Variants in KIAA1217 observed in about 807,000 individuals in gnomAD.
KIAA1217 encodes sickle tail protein homolog.
A neutral mutation model predicts 163.9 loss-of-function variants in KIAA1217; 88 were observed. That is an observed-to-expected ratio of 0.54 (90% CI 0.45 to 0.64). KIAA1217 has a LOEUF of 0.64. KIAA1217 is among the 30% of genes least tolerant of loss of function. The pLI is 0.00. For synonymous variants in KIAA1217, 903 were observed against 923.1 expected (o/e 0.98, Z 0.39); for missense variants, 2,372 against 2,475.0 (o/e 0.96, Z 0.88).
chr10:24,525,377 G>A (rs2071975034), intron 13 of KIAA1217, among the ~76,000 whole-genome samples: 1 of 152,154 alleles, frequency 6.6e-6, no homozygotes, highest in African/African-American at 2.4e-5. Flanking sequence ...ATCAAAGTCT[G>A]GGACCATGAC....
intron 2 of KIAA1217, among the ~76,000 whole-genome samples, chr10:24,166,477 C>T (rs1382842801): frequency 6.6e-6 from 1 of 152,066 alleles, no homozygotes; most frequent in Non-Finnish European, 1.5e-5. Flanking sequence ...GTGGCTTACT[C>T]CTGTAATCCC....
intron 1 of KIAA1217, among the ~76,000 whole-genome samples, chr10:23,876,126 T>C (rs529824104): frequency 6.6e-5 from 10 of 151,276 alleles, no homozygotes; most frequent in African/African-American, 9.7e-5. Context: ...ATGAGACATA[T>C]ACACCGTGGA....
At chr10:23,955,681 C>T (rs1844529843) in intron 1 of KIAA1217, among the ~76,000 whole-genome samples, 1 of 152,060 alleles carries the variant, frequency 6.6e-6, no homozygotes, top group Non-Finnish European at 1.5e-5. Context: ...CATCAAACGG[C>T]AAGTTAGCTG....
At position 23,890,102 on chromosome 10, in the gene KIAA1217, T is replaced by C. The variant is rs186267333; in HGVS notation, c.-320-117123T>C. On this transcript the variant is annotated intron_variant, in intron 1 of 18. Transcript: ENST00000376462. ...ATCTGGAAAACTTTAGTTTTCTTAGTGGGAAGATTTTTGACTATAGGTTCA... is the reference window on the plus strand; with the variant it reads ...ATCTGGAAAACTTTAGTTTTCTTAGCGGGAAGATTTTTGACTATAGGTTCA... Among the ~76,000 whole-genome samples, 530 of 151,868 alleles carry C rather than the reference T, an allele frequency of 3.5e-3. 7 individuals carry two copies. Among genetic ancestry groups the C allele is most frequent in the African/African-American group, 0.011 (457 of 41,530 alleles).
intron 5 of KIAA1217, among the ~76,000 whole-genome samples, chr10:24,462,004 A>G (rs529060523): frequency 5.6e-4 from 85 of 152,250 alleles, no homozygotes; most frequent in African/African-American, 1.9e-3. Flanking sequence ...ATTTTATTTC[A>G]TAAGTAATCC....
intron 2 of KIAA1217, among the ~76,000 whole-genome samples, chr10:24,180,360 C>T (rs774872671): frequency 1.3e-5 from 2 of 149,270 alleles, no homozygotes; most frequent in Non-Finnish European, 3.0e-5. Flanking sequence ...AATCTCAGCT[C>T]ACTGCAACCT....
At chr10:24,076,672 TTC>T (rs1359113533) in intron 2 of KIAA1217, among the ~76,000 whole-genome samples, 1 of 152,182 alleles carries the variant, frequency 6.6e-6, no homozygotes, top group African/African-American at 2.4e-5. Context: ...ACAGTCAGGA[TTC>T]TCTGTCTCCA....
In KIAA1217 at chr10:24,225,047, G is replaced by C. The variant is rs570091555; in HGVS notation, c.354+5138G>C. 2.6e-4 allele frequency among the ~76,000 whole-genome samples: 39 copies of C among 151,956 alleles called. 1 individual carries two copies. The South Asian group carries it at 6.0e-3, about 23-fold the overall frequency. On this transcript the variant is annotated intron_variant, in intron 2 of 20. Transcript: ENST00000376454. ...TCACTGTGTTAGCCAGGATGGTCTCGATCTCCTGACATTGTGATCTGCCCG... is the reference window on the plus strand; with the variant it reads ...TCACTGTGTTAGCCAGGATGGTCTCCATCTCCTGACATTGTGATCTGCCCG...
chr10:24,251,679 G>C (rs1187797907), intron 2 of KIAA1217, among the ~76,000 whole-genome samples: 3 of 152,024 alleles, frequency 2.0e-5, no homozygotes, highest in Non-Finnish European at 4.4e-5. Context: ...AACTCCTGTT[G>C]TAAATAGGGA....
chr10:23,756,662 T>C (rs1439918092), intron 1 of KIAA1217, among the ~76,000 whole-genome samples: 1 of 152,196 alleles, frequency 6.6e-6, no homozygotes, highest in East Asian at 1.9e-4. Context: ...GATGTAATAA[T>C]TTTAAAATAT....
intron 1 of KIAA1217, among the ~76,000 whole-genome samples, chr10:23,859,020 G>T (rs1348929149): frequency 6.6e-6 from 1 of 152,212 alleles, no homozygotes; most frequent in African/African-American, 2.4e-5. Context: ...TTCTAAGCCA[G>T]TGGAGCACAA....
chr10:23,833,011 C>A (rs1406030291), intron 1 of KIAA1217, among the ~76,000 whole-genome samples: 1 of 152,086 alleles, frequency 6.6e-6, no homozygotes. Context: ...CACCCGGTCC[C>A]TCCCACAAGA....
chr10:24,543,503 A>T lies in KIAA1217; in HGVS notation c.4233A>T (p.Ile1411=). ...HDIVSQKGED[I]QTVNIDARKE... The stretch of plus-strand genomic sequence containing the variant: ...TTGTTAGCCAAAAGGGAGAAGACAT[A>T]CAGACGGTTAATATCGATGCCAGAA... Residue 1411 remains isoleucine, a synonymous_variant, in exon 19 of 21, where the codon ATA becomes ATT. Coordinates refer to ENST00000376454, the MANE Select transcript of KIAA1217 (RefSeq NM_019590.5). 1 of 1,614,166 alleles carries T rather than the reference A, an allele frequency of 6.2e-7. No homozygotes were observed. Among genetic ancestry groups the T allele is most frequent in the Non-Finnish European group, 8.5e-7 (1 of 1,180,024 alleles).
intron 2 of KIAA1217, among the ~76,000 whole-genome samples, chr10:24,259,536 G>C (rs892512084): frequency 2.0e-5 from 3 of 152,222 alleles, no homozygotes; most frequent in Non-Finnish European, 4.4e-5. Context: ...GATTGCTTAA[G>C]CCCTGGTGGT....
intron 2 of KIAA1217, among the ~76,000 whole-genome samples, chr10:24,222,518 G>A (rs1034161225): frequency 6.6e-6 from 1 of 152,048 alleles, no homozygotes; most frequent in African/African-American, 2.4e-5. Context: ...TTTTTGAGAT[G>A]GAGTCTCGCT....
intron 1 of KIAA1217, among the ~76,000 whole-genome samples, chr10:23,931,538 A>T (rs1005211789): frequency 2.6e-5 from 4 of 152,136 alleles, no homozygotes; most frequent in African/African-American, 9.7e-5. Flanking sequence ...TGAAATAGGA[A>T]TTATGTCTAA....
intron 1 of KIAA1217, among the ~76,000 whole-genome samples, chr10:23,707,066 T>A (rs763032173): frequency 6.6e-6 from 1 of 152,200 alleles, no homozygotes; most frequent in Non-Finnish European, 1.5e-5. Flanking sequence ...GTAAACTTAT[T>A]ACCAAAAAGT....
intron 2 of KIAA1217, among the ~76,000 whole-genome samples, chr10:24,304,628 C>G (rs568486741): frequency 1.3e-5 from 2 of 152,266 alleles, no homozygotes; most frequent in Non-Finnish European, 2.9e-5. Context: ...GCCACCAGAC[C>G]TGACCTTGGG....
intron 1 of KIAA1217, among the ~76,000 whole-genome samples, chr10:23,829,840 A>C (rs970192671): frequency 6.6e-6 from 1 of 152,212 alleles, no homozygotes; most frequent in African/African-American, 2.4e-5. Context: ...TAGTGAAGAT[A>C]TGAATGCACA....
Sources: allele counts gnomAD v4.1 joint callset (sites outside exome capture counted in the v4.1 genomes callset), GRCh38; gene constraint gnomAD v4.1.1; transcripts MANE v1.5; gene names NCBI Gene and HGNC (gene_info 2026-07-23, HGNC 2026-07-21).